CRISP1: variants seen among roughly 807,000 people sequenced by gnomAD.
The protein encoded by CRISP1 is cysteine rich secretory protein 1.
A neutral mutation model predicts 33.1 loss-of-function variants in CRISP1; 44 were observed. The observed-to-expected ratio is 1.33, with a 90% CI of 1.05 to 1.71. The LOEUF (loss-of-function observed/expected upper bound fraction) is 1.71. CRISP1 is among the 40% of genes most tolerant of loss of function. The pLI, the probability that CRISP1 is intolerant of heterozygous loss-of-function variation, is 0.00. For synonymous variants in CRISP1, 103 were observed against 98.7 expected, an observed-to-expected ratio of 1.04 and a Z score of -0.26; for missense variants, 390 against 301.2, an observed-to-expected ratio of 1.29 and a Z score of -2.18.
chr6:49,868,332 C>G (rs1021246500), upstream of CRISP1, among the ~76,000 whole-genome samples: 2 of 152,114 alleles, frequency 1.3e-5, no homozygotes, highest in African/African-American at 4.8e-5. Flanking sequence ...TCTACAATAA[C>G]TTTTTTCCCT....
Position 49,846,657 on chromosome 6 carries a change from CACAA to C in CRISP1, c.294_297del (p.Phe98LeufsTer7), listed in dbSNP as rs761739414. 1 of 1,613,120 alleles carries C rather than the reference CACAA, an allele frequency of 6.2e-7. No individual in the cohort carries two copies. ...TAAGATGTCATATGCATATTTTCTC[CACAA>C]AAGGTATCTGAAATGAGAAAACGGG... On this transcript the variant is annotated frameshift_variant, in exon 5 of 8. Coordinates refer to ENST00000335847, the MANE Select transcript of CRISP1 (RefSeq NM_001131.3). LOFTEE classifies it high-confidence loss of function.
At chr6:49,872,444 C>T (rs949489591) in intron 1 of CRISP1, among the ~76,000 whole-genome samples, 6 of 152,064 alleles carry the variant, frequency 3.9e-5, no homozygotes, top group African/African-American at 9.7e-5. Flanking sequence ...GTTGCCATTG[C>T]TTTTGGTGTT....
At chr6:49,863,055 A>G (rs911704688) in intron 1 of CRISP1, among the ~76,000 whole-genome samples, 17 of 152,170 alleles carry the variant, frequency 1.1e-4, no homozygotes, top group Non-Finnish European at 4.4e-5. Flanking sequence ...TATGGGTCAA[A>G]ATCAGGTAAA....
intron 1 of CRISP1, among the ~76,000 whole-genome samples, chr6:49,858,933 G>A (rs1395167574): frequency 1.3e-5 from 2 of 152,054 alleles, no homozygotes; most frequent in Non-Finnish European, 2.9e-5. Flanking sequence ...CAACAGATAA[G>A]TGACATGAAA....
chr6:49,855,639 T>C (rs756605040), intron 2 of CRISP1, among the ~76,000 whole-genome samples: 1 of 152,154 alleles, frequency 6.6e-6, no homozygotes, highest in Non-Finnish European at 1.5e-5. Context: ...TGATCACAAC[T>C]CTCTATAGTT....
At chr6:49,875,075 G>T (rs1031434083) in intron 1 of CRISP1, among the ~76,000 whole-genome samples, 1 of 151,936 alleles carries the variant, frequency 6.6e-6, no homozygotes, top group African/African-American at 2.4e-5. Flanking sequence ...TCAGGCAAGA[G>T]AAGAAAATAA....
intron 5 of CRISP1, among the ~76,000 whole-genome samples, chr6:49,844,766 C>G (rs1014315732): frequency 6.6e-6 from 1 of 152,174 alleles, no homozygotes; most frequent in Non-Finnish European, 1.5e-5. Flanking sequence ...ATTGCTGCTT[C>G]CTTTTCTATT....
chr6:49,849,064 A>G (rs1268799186), intron 3 of CRISP1, among the ~76,000 whole-genome samples: 1 of 152,158 alleles, frequency 6.6e-6, no homozygotes, highest in Admixed American at 6.5e-5. Context: ...GTGTGCATCA[A>G]CTGTGCTGAG....
At chr6:49,846,475 G>C in intron 5 of CRISP1, 45 bp downstream of exon 5, 1 of 1,575,638 alleles carries the variant, frequency 6.3e-7, no homozygotes, top group Non-Finnish European at 8.6e-7. Context: ...CCACACACAT[G>C]CTTATCTCTT....
intron 1 of CRISP1, among the ~76,000 whole-genome samples, chr6:49,859,376 T>C (rs995339174): frequency 3.0e-4 from 44 of 148,858 alleles, no homozygotes; most frequent in South Asian, 6.4e-4. Flanking sequence ...CTGCCAGAGA[T>C]GATATATTTA....
intron 1 of CRISP1, among the ~76,000 whole-genome samples, chr6:49,866,074 T>C (rs758900198): frequency 1.3e-5 from 2 of 152,166 alleles, no homozygotes; most frequent in African/African-American, 4.8e-5. Flanking sequence ...GCTAATTCTT[T>C]TGGCAGCATT....
intron 2 of CRISP1, among the ~76,000 whole-genome samples, chr6:49,852,882 G>A (rs920720284): frequency 6.9e-6 from 1 of 145,614 alleles, no homozygotes; most frequent in Admixed American, 6.8e-5. Context: ...GTGTGTGTGT[G>A]TGTGATATCA....
At chr6:49,854,666 T>G (rs1771444052) in intron 2 of CRISP1, among the ~76,000 whole-genome samples, 1 of 152,250 alleles carries the variant, frequency 6.6e-6, no homozygotes, top group African/African-American at 2.4e-5. Context: ...CAACTCTGGC[T>G]GTCTACAGTT....
chr6:49,837,931 T>C (rs1451713415), intron 7 of CRISP1, among the ~76,000 whole-genome samples: 2 of 149,528 alleles, frequency 1.3e-5, no homozygotes, highest in Non-Finnish European at 3.0e-5. Context: ...TAAGGAATAA[T>C]GTGAGCATCA....
At chr6:49,873,937 G>T (rs769099652) in intron 1 of CRISP1, among the ~76,000 whole-genome samples, 2 of 152,032 alleles carry the variant, frequency 1.3e-5, no homozygotes, top group Non-Finnish European at 2.9e-5. Flanking sequence ...ATCTGTGTAT[G>T]ACTGAAAATT....
In CRISP1 at chr6:49,866,535, T is replaced by C. The variant is rs1771801854; in HGVS notation, c.-109A>G. On this transcript the variant is annotated 5_prime_UTR_variant, in exon 1 of 8. Coordinates refer to ENST00000335847, the MANE Select transcript of CRISP1 (RefSeq NM_001131.3). Reference sequence around the variant, plus strand: ...CAGTCCACAGGGGAGATTTGTTCAATGAGGTAGTCAGTACAAGGTAAATGC... The same window carrying C: ...CAGTCCACAGGGGAGATTTGTTCAACGAGGTAGTCAGTACAAGGTAAATGC... The C allele has an allele frequency of 6.6e-6, 1 of 152,136 alleles. No homozygotes were observed. The highest frequency in any genetic ancestry group is 2.4e-5 in the African/African-American group (1 of 41,440). 9.4% of individuals were successfully genotyped at this position (152,136 alleles called of 1,614,324 possible). A position where few individuals can be genotyped will look rare whatever the true frequency, so the allele number is the denominator to read the frequency against.
intron 7 of CRISP1, among the ~76,000 whole-genome samples, chr6:49,836,260 C>A (rs976723608): frequency 6.6e-6 from 1 of 151,962 alleles, no homozygotes; most frequent in Non-Finnish European, 1.5e-5. Flanking sequence ...CCCATTATAT[C>A]TCTTATCCTT....
At chr6:49,854,493 A>G (rs747385100) in intron 2 of CRISP1, among the ~76,000 whole-genome samples, 2 of 152,110 alleles carry the variant, frequency 1.3e-5, no homozygotes, top group Non-Finnish European at 2.9e-5. Flanking sequence ...TCAGCCCCCC[A>G]GTAGCTAGGA....
intron 7 of CRISP1, 46 bp downstream of exon 7, chr6:49,838,391 A>G (rs1377103541): frequency 7.4e-7 from 1 of 1,348,114 alleles, no homozygotes; most frequent in Non-Finnish European, 1.0e-6. Context: ...TATGGTTCCC[A>G]GATCAATGGG....
Sources: gnomAD v4.1 joint callset for allele counts (sites outside exome capture counted in the v4.1 genomes callset) on GRCh38, gnomAD v4.1.1 for gene constraint, MANE v1.5 for transcripts, NCBI Gene and HGNC (gene_info 2026-07-23, HGNC 2026-07-21) for gene names.